SGPP2: variants seen among roughly 807,000 people sequenced by gnomAD.
The protein encoded by SGPP2 is sphingosine-1-phosphate phosphatase 2.
In SGPP2, 30 loss-of-function variants were observed where a neutral mutation model predicts 33.9. The observed-to-expected ratio is 0.89, with a 90% CI of 0.66 to 1.20. SGPP2 has a LOEUF of 1.20. Among genes scored for constraint, SGPP2 ranks in the 50% most tolerant of loss-of-function variants. The pLI is 0.00. For missense variants in SGPP2, 458 were observed against 532.1 expected, an observed-to-expected ratio of 0.86 and a Z score of 1.37; for synonymous variants, 233 against 225.0, an observed-to-expected ratio of 1.04 and a Z score of -0.32.
At chr2:222,491,234 A>C (rs1257327762) in intron 2 of SGPP2, among the ~76,000 whole-genome samples, 1 of 152,140 alleles carries the variant, frequency 6.6e-6, no homozygotes, top group Non-Finnish European at 1.5e-5. Context: ...TCCTGAACTC[A>C]AGAAATCCCC....
At chr2:222,452,240 A>G (rs1294059750) in intron 1 of SGPP2, among the ~76,000 whole-genome samples, 2 of 152,156 alleles carry the variant, frequency 1.3e-5, no homozygotes, top group Non-Finnish European at 2.9e-5. Flanking sequence ...TTAGGCTTCA[A>G]CCATACCCCA....
Position 222,430,077 on chromosome 2 carries a change from G to A in SGPP2, c.219+5256G>A, listed in dbSNP as rs190395567. On this transcript the variant is annotated intron_variant, in intron 1 of 4. Transcript: ENST00000321276. ...TGTGTGAAAGCCCAAATAAAAGGAT[G>A]CAGTGCAAAAAATAAAAAAAATACT... 2.7e-5 allele frequency among the ~76,000 whole-genome samples: 3 copies of A among 111,412 alleles called. No homozygotes were observed. In the Admixed American group the frequency reaches 3.4e-4, roughly 12 times the overall value. 73.1% of individuals were successfully genotyped at this position (111,412 alleles called of 152,430 possible). A position where few individuals can be genotyped will look rare whatever the true frequency, so the allele number is the denominator to read the frequency against.
At chr2:222,523,837 A>G (rs1698719626) in intron 3 of SGPP2, among the ~76,000 whole-genome samples, 1 of 152,228 alleles carries the variant, frequency 6.6e-6, no homozygotes, top group African/African-American at 2.4e-5. Flanking sequence ...ATTTCCAAAT[A>G]TATTAACTCA....
intron 2 of SGPP2, among the ~76,000 whole-genome samples, chr2:222,506,677 G>A (rs1698450401): frequency 6.6e-6 from 1 of 152,128 alleles, no homozygotes; most frequent in South Asian, 2.1e-4. Context: ...TTTTGGAGAA[G>A]TCAAAAGTTA....
intron 4 of SGPP2, among the ~76,000 whole-genome samples, chr2:222,538,173 G>T (rs1434092798): frequency 6.6e-6 from 1 of 152,126 alleles, no homozygotes; most frequent in Non-Finnish European, 1.5e-5. Flanking sequence ...AGGAGGGCTT[G>T]GTCCTTCCTC....
chr2:222,470,201 G>A (rs1418435074), intron 1 of SGPP2, among the ~76,000 whole-genome samples: 1 of 152,140 alleles, frequency 6.6e-6, no homozygotes, highest in Non-Finnish European at 1.5e-5. Flanking sequence ...GTTGATAGGT[G>A]CAGCAAACCA....
chr2:222,439,238 C>A (rs2106064849), intron 1 of SGPP2, among the ~76,000 whole-genome samples: 1 of 152,262 alleles, frequency 6.6e-6, no homozygotes, highest in Non-Finnish European at 1.5e-5. Flanking sequence ...GAGAAAGATT[C>A]ACTGCATAAA....
chr2:222,456,867 C>T (rs1234988043), intron 1 of SGPP2, among the ~76,000 whole-genome samples: 1 of 152,126 alleles, frequency 6.6e-6, no homozygotes, highest in East Asian at 1.9e-4. Flanking sequence ...TCTCCTGCTC[C>T]ACTTGTGGGT....
chr2:222,468,533 T>C (rs1697786097), intron 1 of SGPP2, among the ~76,000 whole-genome samples: 1 of 152,254 alleles, frequency 6.6e-6, no homozygotes. Flanking sequence ...CTATTTCTTG[T>C]ATTCCTCCTT....
intron 4 of SGPP2, among the ~76,000 whole-genome samples, chr2:222,543,026 C>T (rs911280531): frequency 2.6e-5 from 4 of 152,106 alleles, no homozygotes; most frequent in Admixed American, 1.3e-4. Context: ...TACTCTGTAG[C>T]TTGCTTTTTC....
At position 222,474,644 on chromosome 2, in the gene SGPP2, A is replaced by T. The variant is rs1364986869; in HGVS notation, c.296A>T (p.Glu99Val). The part of the protein sequence containing the change: ...LFQFSAALGQ[E>V]VFYITFLPFT... ...CAATTTTCAGCTGCTTTGGGCCAAG[A>T]AGTGTTCTACATCACGTTTCTTCCA... The change falls in exon 2 of 5, where the codon GAA becomes GTA. Residue 99 changes from glutamate to valine, a missense_variant. Glu to Val is a moderately radical substitution (Grantham distance 121, BLOSUM62 -2). Coordinates refer to ENST00000321276, the MANE Select transcript of SGPP2 (RefSeq NM_152386.4). 11 of 1,613,864 alleles carry T rather than the reference A, an allele frequency of 6.8e-6. No individual in the cohort carries two copies. The South Asian group carries it at 9.9e-5, about 14-fold the overall frequency.
intron 2 of SGPP2, among the ~76,000 whole-genome samples, chr2:222,484,365 C>G (rs1407649041): frequency 6.6e-6 from 1 of 152,132 alleles, no homozygotes; most frequent in Non-Finnish European, 1.5e-5. Context: ...CCCCTCACCC[C>G]CAGGATCATT....
intron 4 of SGPP2, among the ~76,000 whole-genome samples, chr2:222,554,970 A>C (rs543210466): frequency 2.6e-5 from 4 of 152,290 alleles, no homozygotes; most frequent in African/African-American, 9.6e-5. Context: ...CAGTTGCATC[A>C]TCCTCAAGCC....
chr2:222,556,474 A>T (rs1244474359), intron 4 of SGPP2, among the ~76,000 whole-genome samples: 1 of 47,162 alleles, frequency 2.1e-5, no homozygotes, highest in African/African-American at 7.9e-5. Flanking sequence ...CCCCGCATCC[A>T]CTCTCACTTC....
At position 222,558,608 on chromosome 2, in the gene SGPP2, G is replaced by T. The variant is rs569060514; in HGVS notation, c.910G>T (p.Ala304Ser). 1 of 1,614,186 alleles carries T rather than the reference G, an allele frequency of 6.2e-7. No individual in the cohort carries two copies. The highest frequency in any genetic ancestry group is 8.5e-7 in the Non-Finnish European group (1 of 1,180,044). ...TTTCTTCCAGCTTGTATCCAAGCCC[G>T]CTGAATCTCTCCCTGTTATTCAGAA... ...NHFFQLVSKP[A>S]ESLPVIQNIP... Residue 304 changes from alanine (A) to serine (S), a missense_variant, in exon 5 of 5, where the codon GCT becomes TCT. By Grantham distance (99) the Ala-to-Ser change is moderately conservative (BLOSUM62 1). Transcript: ENST00000321276.
chr2:222,446,209 T>G (rs547673885), intron 1 of SGPP2, among the ~76,000 whole-genome samples: 1 of 152,112 alleles, frequency 6.6e-6, no homozygotes, highest in East Asian at 1.9e-4. Flanking sequence ...GTAGAAATAA[T>G]GAGAGATAAG....
At chr2:222,446,467 A>G (rs571889548) in intron 1 of SGPP2, among the ~76,000 whole-genome samples, 3 of 152,366 alleles carry the variant, frequency 2.0e-5, no homozygotes, top group South Asian at 4.1e-4. Flanking sequence ...TGTTGTTGCT[A>G]TCCGGGGGAA....
Position 222,558,448 on chromosome 2 carries a change from C to A in SGPP2, c.750C>A (p.Pro250=). The part of the protein sequence containing the change: ...DCLDSASPLF[P]VCVIVVPFFL... ...TGGACTCGGCCAGCCCCCTCTTCCCCGTGTGTGTCATAGTTGTGCCATTCT... is the reference window on the plus strand; with the variant it reads ...TGGACTCGGCCAGCCCCCTCTTCCCAGTGTGTGTCATAGTTGTGCCATTCT... Residue 250 remains proline, a synonymous_variant, in exon 5 of 5, where the codon CCC becomes CCA. Transcript: ENST00000321276. 4 of 1,614,160 alleles carry A rather than the reference C, an allele frequency of 2.5e-6. No homozygotes were observed. The highest frequency in any genetic ancestry group is 1.7e-5 in the Admixed American group (1 of 60,012).
rs182547986 is a variant in SGPP2 at position 222,463,832 on chromosome 2, C to T, written c.220-10736C>T. ...ATCACAGAAAAAACTTTATTTATGC[C>T]TGAATAATTTTCTTACATTTTTGGC... On this transcript the variant is annotated intron_variant, in intron 1 of 4. Transcript: ENST00000321276. Among the ~76,000 whole-genome samples, 26 of 152,254 alleles carry T rather than the reference C, an allele frequency of 1.7e-4. 1 individual carries two copies. The East Asian group carries it at 5.0e-3, about 29-fold the overall frequency.
Sources: allele counts gnomAD v4.1 joint callset (sites outside exome capture counted in the v4.1 genomes callset), GRCh38; gene constraint gnomAD v4.1.1; transcripts MANE v1.5; gene names NCBI Gene and HGNC (gene_info 2026-07-23, HGNC 2026-07-21).